Variants in HSPG2 observed in about 807,000 individuals in gnomAD.
HSPG2 encodes heparan sulfate proteoglycan 2.
HSPG2 carries 278 observed loss-of-function variants against 526.6 expected under a neutral mutation model. That is an observed-to-expected ratio of 0.53 (90% CI 0.48 to 0.58). The LOEUF is 0.58. HSPG2 is among the 20% of genes least tolerant of loss of function. The pLI is 0.00. For missense variants in HSPG2, 5,354 were observed against 6,099.5 expected (o/e 0.88, Z 4.07); for synonymous variants, 2,465 against 2,555.4 (o/e 0.96, Z 1.07).
Position 21,842,693 on chromosome 1 carries a change from A to G in HSPG2, c.8910+77T>C, listed in dbSNP as rs75779078. 0.056 allele frequency: 89,525 copies of G among 1,586,588 alleles called. 3,037 individuals carry two copies. Among genetic ancestry groups the G allele is most frequent in the South Asian group, 0.11 (9,879 of 90,478 alleles). On this transcript the variant is annotated intron_variant, in intron 67 of 96. Transcript: ENST00000374695. Reference sequence around the variant, plus strand: ...GGTCCCCAAGCAGGCTGGTGTTTGCATGAGGTTTGGGTACAGAAAGCAACT... The same window carrying G: ...GGTCCCCAAGCAGGCTGGTGTTTGCGTGAGGTTTGGGTACAGAAAGCAACT...
Position 21,822,339 on chromosome 1 carries a change from T to C in HSPG2, c.*977A>G. ...GAGGCCAGGCGTCCCAACCCCACAG[T>C]CTGGGGGCCACTGGCAGGATGGCAC... On this transcript the variant is annotated 3_prime_UTR_variant, in exon 97 of 97. Transcript: ENST00000374695. 9.5e-6 allele frequency: 9 copies of C among 950,720 alleles called. No homozygotes were observed. Among genetic ancestry groups the C allele is most frequent in the African/African-American group, 1.6e-5 (1 of 61,868 alleles). The allele number at this position is 950,720 out of a possible 1,614,324, so 58.9% of individuals were successfully genotyped here.
chr1:21,884,665 G>A lies in HSPG2; in HGVS notation c.1517C>T (p.Pro506Leu), dbSNP rs773786411. Residue 506 changes from proline (P) to leucine (L), a missense_variant, in exon 13 of 97, where the codon CCT becomes CTT. Transcript: ENST00000374695. ...LELVPQRGPC[P>L]DGHFYLEHSA... ...GTGCTCCAGGTAGAAGTGGCCGTCA[G>A]GGCAGGGGCCTGCTGGGCGGCATGG... 4 of 1,611,848 alleles carry A rather than the reference G, an allele frequency of 2.5e-6. No homozygotes were observed. The South Asian group carries it at 4.4e-5, about 18-fold the overall frequency.
intron 30 of HSPG2, 82 bp from the exon 31 acceptor site, chr1:21,873,173 C>A: frequency 7.7e-7 from 1 of 1,302,982 alleles, no homozygotes; most frequent in Admixed American, 1.7e-5. Context: ...CACCACTGAG[C>A]GGGAGCTCTG....
At chr1:21,853,111 C>T in intron 50 of HSPG2, 41 bp from the exon 51 acceptor site, 2 of 1,611,760 alleles carry the variant, frequency 1.2e-6, no homozygotes, top group South Asian at 1.1e-5. Context: ...AACTCTTGGG[C>T]TGTAACCTGT....
At chr1:21,934,656 C>T (rs1371777514) in intron 1 of HSPG2, among the ~76,000 whole-genome samples, 5 of 150,414 alleles carry the variant, frequency 3.3e-5, no homozygotes, top group African/African-American at 1.2e-4. Context: ...AGTGCAGTGG[C>T]GCGATCTCGG....
At chr1:21,885,859 G>C (rs753212911) in intron 9 of HSPG2, among the ~76,000 whole-genome samples, 2 of 152,240 alleles carry the variant, frequency 1.3e-5, no homozygotes, top group Non-Finnish European at 2.9e-5. Flanking sequence ...AGAATGCCTG[G>C]CACAGTGTGG....
chr1:21,885,536 A>C, intron 9 of HSPG2, 85 bp from the exon 10 acceptor site: 2 of 1,523,216 alleles, frequency 1.3e-6, no homozygotes, highest in East Asian at 4.6e-5. Context: ...CATCTTGCCC[A>C]CATAACCCAC....
rs1362887017 is a variant in HSPG2, at chr1:21,854,977, A to G, written c.6004T>C (p.Ser2002Pro). The G allele has an allele frequency of 1.9e-6, 3 of 1,612,688 alleles. No homozygotes were observed. The highest frequency in any genetic ancestry group is 2.5e-6 in the Non-Finnish European group (3 of 1,179,992). The change falls in exon 48 of 97, where the codon TCA (serine) becomes CCA (proline). Residue 2002 changes from serine to proline, a missense_variant. By Grantham distance (74) the Ser-to-Pro change is moderately conservative. Transcript: ENST00000374695. Reference protein sequence around the residue: ...EGGSLPPQARSERTDIATLLI... With the variant: ...EGGSLPPQARPERTDIATLLI... ...AGTGTCGCGATGTCTGTGCGCTCTG[A>G]CCGGGCCTGCCGTGGGTGAGATGGG...
Position 21,828,656 on chromosome 1 carries a change from G to C in HSPG2, c.12237+179C>G, listed in dbSNP as rs2097987710. Among the ~76,000 whole-genome samples, 1 of 152,206 alleles carries C rather than the reference G, an allele frequency of 6.6e-6. No individual in the cohort carries two copies. Among genetic ancestry groups the C allele is most frequent in the South Asian group, 2.1e-4 (1 of 4,824 alleles). The stretch of plus-strand genomic sequence containing the variant: ...TCCTCTGCCCAACCTTTCAAAGTAG[G>C]TGTGATCATGCCCATTTTACAGAGG... On this transcript the variant is annotated intron_variant, in intron 88 of 96. Coordinates refer to ENST00000374695, the MANE Select transcript of HSPG2 (RefSeq NM_005529.7). The surrounding 1 kb of genome is among the most constrained non-coding windows in gnomAD (Gnocchi z 6.0).
At position 21,874,484 on chromosome 1, in the gene HSPG2, C is replaced by T. The variant is rs1451989099; in HGVS notation, c.3578G>A (p.Gly1193Glu). ...EGPRCEQCQP[G>E]YYGDAQRGTP... ...CCCCCGCTGGGCGTCCCCGTAGTAT[C>T]CTGGCTGGCACTGCTCACACCGAGG... Residue 1193 changes from glycine to glutamate, a missense_variant, in exon 28 of 97, where the codon GGA becomes GAA. Physicochemically the swap from Gly to Glu is moderately conservative, Grantham distance 98 (BLOSUM62 -2). Coordinates refer to ENST00000374695, the MANE Select transcript of HSPG2 (RefSeq NM_005529.7). 1.9e-6 allele frequency: 3 copies of T among 1,612,946 alleles called. No homozygotes were observed. Among genetic ancestry groups the T allele is most frequent in the Non-Finnish European group, 2.5e-6 (3 of 1,179,968 alleles).
At position 21,839,412 on chromosome 1, in the gene HSPG2, G is replaced by A; in HGVS notation, c.9848C>T (p.Pro3283Leu). Residue 3283 changes from proline (P) to leucine (L), a missense_variant, in exon 73 of 97, where the codon CCT becomes CTT. Transcript: ENST00000374695. The surrounding 1 kb of genome is among the most constrained non-coding windows in gnomAD (Gnocchi z 4.5). The part of the protein sequence containing the change: ...SGQYICNATS[P>L]AGHAEATIIL... ...GATGGTGGCCTCAGCGTGCCCAGCA[G>A]GGCTAGTGGCATTGCAGATGTACTG... 6.2e-7 allele frequency: 1 copy of A among 1,613,916 alleles called. No individual in the cohort carries two copies. Among genetic ancestry groups the A allele is most frequent in the Non-Finnish European group, 8.5e-7 (1 of 1,180,004 alleles).
In HSPG2 at chr1:21,873,087, G is replaced by A. The variant is rs2152745318; in HGVS notation, c.3798C>T (p.Asp1266=). 6.2e-7 allele frequency: 1 copy of A among 1,600,028 alleles called. No homozygotes were observed. Among genetic ancestry groups the A allele is most frequent in the Non-Finnish European group, 8.5e-7 (1 of 1,179,462 alleles). Residue 1266 remains aspartate (D), a synonymous_variant, in exon 31 of 97, where the codon GAC becomes GAT. Coordinates refer to ENST00000374695, the MANE Select transcript of HSPG2 (RefSeq NM_005529.7). ...NPSQGQPCQR[D]SQVPGPIGCN... is the part of the protein sequence containing the mutation. ...AGCCTATGGGCCCTGGCACCTGGCT[G>A]TCTCCTGAGGTGGAAGAAAGCCATG... is the stretch of plus-strand genomic sequence containing the variant.
At chr1:21,897,252 C>A (rs894873060) in intron 1 of HSPG2, among the ~76,000 whole-genome samples, 2 of 152,208 alleles carry the variant, frequency 1.3e-5, no homozygotes, top group Admixed American at 1.3e-4. Flanking sequence ...ATGGCTGGAC[C>A]CCAGATTCCA....
chr1:21,895,720 G>A lies in HSPG2; in HGVS notation c.244+202C>T, dbSNP rs2152772761. 1.3e-5 allele frequency among the ~76,000 whole-genome samples: 2 copies of A among 152,314 alleles called. No individual in the cohort carries two copies. The highest frequency in any genetic ancestry group is 3.9e-4 in the East Asian group (2 of 5,178). ...ATACCTGTGCCTGTGGCATGGGCAA[G>A]CACAGGACCTGGCCACACCAGCCTT... is the stretch of plus-strand genomic sequence containing the variant. On this transcript the variant is annotated intron_variant, in intron 3 of 96. Coordinates refer to ENST00000374695, the MANE Select transcript of HSPG2 (RefSeq NM_005529.7). This position sits in a 1 kb window ranked among gnomAD's most constrained non-coding sequence, Gnocchi z 4.1.
chr1:21,906,265 G>A (rs1643372521), intron 1 of HSPG2, among the ~76,000 whole-genome samples: 1 of 152,248 alleles, frequency 6.6e-6, no homozygotes, highest in South Asian at 2.1e-4. Flanking sequence ...AGGGGTGGGT[G>A]GGGGCCTCGG....
intron 21 of HSPG2, chr1:21,877,468 T>C (rs978347325): frequency 6.6e-6 from 1 of 152,284 alleles, no homozygotes; most frequent in Non-Finnish European, 1.5e-5. Flanking sequence ...ATCCATTCTT[T>C]TTTACACCGA....
chr1:21,841,599 G>C lies in HSPG2; in HGVS notation c.9268C>G (p.Arg3090Gly). The change falls in exon 70 of 97, where the codon CGC (arginine) becomes GGC (glycine). Residue 3090 changes from arginine (R) to glycine (G), a missense_variant. Arg to Gly is a moderately radical substitution (Grantham distance 125). Transcript: ENST00000374695. Reference sequence around the variant, plus strand: ...CCGTAGGCATTGGAGGCCACGCAGCGGTAGGTACCGTGGTTGCTGGGCCGG... The same window carrying C: ...CCGTAGGCATTGGAGGCCACGCAGCCGTAGGTACCGTGGTTGCTGGGCCGG... ...GTRPSNHGTY[R>G]CVASNAYGVA... is the part of the protein sequence containing the mutation. 1 of 1,614,172 alleles carries C rather than the reference G, an allele frequency of 6.2e-7. No homozygotes were observed. The highest frequency in any genetic ancestry group is 8.5e-7 in the Non-Finnish European group (1 of 1,179,998).
At position 21,829,999 on chromosome 1, in the gene HSPG2, C is replaced by T. The variant is rs2097995162; in HGVS notation, c.11764G>A (p.Glu3922Lys). Residue 3922 changes from glutamate to lysine, a missense_variant, in exon 86 of 97, where the codon GAG (glutamate) becomes AAG (lysine). Transcript: ENST00000374695. ...CAGGCCTGGCTCCCCTCACCTTCCT[C>T]ACACCGCAACCCCGAGCGGCCCAGG... is the stretch of plus-strand genomic sequence containing the variant. ...CHLGRSGLRCEEGVTVTTPSL... is the reference protein window; with the variant it reads ...CHLGRSGLRCKEGVTVTTPSL... 2.5e-6 allele frequency: 4 copies of T among 1,607,692 alleles called. No individual in the cohort carries two copies. The African/African-American group carries it at 4.0e-5, about 16-fold the overall frequency.
rs1377186249 is a variant in HSPG2, at chr1:21,855,313, G to A, written c.5988C>T (p.Leu1996=). 6.2e-7 allele frequency: 1 copy of A among 1,604,474 alleles called. No individual in the cohort carries two copies. Among genetic ancestry groups the A allele is most frequent in the Non-Finnish European group, 8.5e-7 (1 of 1,176,548 alleles). ...TITWRKEGGS[L]PPQARSERTD... is the part of the protein sequence containing the mutation. Reference sequence around the variant, plus strand: ...GGGCCCATCTCCTCACCTGTGGTGGGAGGCTGCCCCCTTCCTTCCTCCAGG... The same window carrying A: ...GGGCCCATCTCCTCACCTGTGGTGGAAGGCTGCCCCCTTCCTTCCTCCAGG... The change falls in exon 47 of 97, where the codon CTC becomes CTT. Residue 1996 remains leucine (L), a synonymous_variant. Coordinates refer to ENST00000374695, the MANE Select transcript of HSPG2 (RefSeq NM_005529.7).
Sources: allele counts gnomAD v4.1 joint callset (sites outside exome capture counted in the v4.1 genomes callset), GRCh38; gene constraint gnomAD v4.1.1; non-coding constraint Gnocchi (gnomAD v3.1); transcripts MANE v1.5; gene names NCBI Gene and HGNC (gene_info 2026-07-23, HGNC 2026-07-21).